The following PPIL3 variants were observed in gnomAD, a reference collection of about 807,000 sequenced individuals.
PPIL3 encodes the protein peptidylprolyl isomerase like 3, also known as peptidyl-prolyl cis-trans isomerase-like 3.
A neutral mutation model predicts 20.9 loss-of-function variants in PPIL3; 13 were observed. That is an observed-to-expected ratio of 0.62 (90% CI 0.40 to 0.99). The LOEUF (loss-of-function observed/expected upper bound fraction) is 0.99. PPIL3 is among the 50% of genes least tolerant of loss of function. PPIL3 has a pLI of 0.00. For missense variants in PPIL3, 170 were observed against 195.2 expected (o/e 0.87, Z 0.77); for synonymous variants, 71 against 64.4 (o/e 1.10, Z -0.49).
Position 200,871,142 on chromosome 2 carries a change from T to C in PPIL3, c.*253A>G. On this transcript the variant is annotated 3_prime_UTR_variant, in exon 7 of 7. Coordinates refer to ENST00000392283, the MANE Select transcript of PPIL3 (RefSeq NM_130906.3). ...GAGCATTTAAAAATGAATGTTCATA[T>C]GTAACAAAAATTAAATGATGTATTT... The C allele has an allele frequency of 3.4e-6, 1 of 292,292 alleles. No homozygotes were observed. Among genetic ancestry groups the C allele is most frequent in the Non-Finnish European group, 6.3e-6 (1 of 159,012 alleles). The allele number at this position is 292,292 out of a possible 1,614,324, so 18.1% of individuals were successfully genotyped here.
At chr2:200,875,477 T>A (rs144753579) in intron 6 of PPIL3, among the ~76,000 whole-genome samples, 1,703 of 152,172 alleles carry the variant, frequency 0.011, 34 homozygotes, top group African/African-American at 0.035. Context: ...CATGTTGGCC[T>A]GGATGGTCTT....
At chr2:200,885,540 A>C in intron 3 of PPIL3, 158 bp downstream of exon 3, 5 of 604,654 alleles carry the variant, frequency 8.3e-6, no homozygotes, top group Non-Finnish European at 1.4e-5. Context: ...ACATTGGACA[A>C]ATAAGTGGAA....
intron 5 of PPIL3, among the ~76,000 whole-genome samples, chr2:200,879,092 A>G (rs1401490659): frequency 6.6e-6 from 1 of 151,988 alleles, no homozygotes; most frequent in African/African-American, 2.4e-5. Context: ...CATATCCACA[A>G]TCTTGGTGTA....
At chr2:200,874,581 T>G (rs1454382066) in intron 6 of PPIL3, among the ~76,000 whole-genome samples, 1 of 152,174 alleles carries the variant, frequency 6.6e-6, no homozygotes, top group African/African-American at 2.4e-5. Context: ...TGTTCTAAAC[T>G]CTACAGTTTT....
intron 5 of PPIL3, among the ~76,000 whole-genome samples, chr2:200,878,723 C>T (rs1300958331): frequency 6.6e-6 from 1 of 152,132 alleles, no homozygotes; most frequent in African/African-American, 2.4e-5. Flanking sequence ...CTAAACAACA[C>T]ATTCTTTCCT....
intron 3 of PPIL3, among the ~76,000 whole-genome samples, chr2:200,884,003 T>G (rs1413624744): frequency 6.6e-6 from 1 of 152,130 alleles, no homozygotes; most frequent in Non-Finnish European, 1.5e-5. Context: ...GAGCTCACCT[T>G]AGCCTCCCAA....
chr2:200,885,590 T>A (rs188535591), intron 3 of PPIL3, 108 bp downstream of exon 3: 1 of 733,844 alleles, frequency 1.4e-6, no homozygotes, highest in South Asian at 1.6e-5. Context: ...TCCCTAACAA[T>A]GGTTTTACAG....
intron 2 of PPIL3, among the ~76,000 whole-genome samples, chr2:200,887,137 C>T (rs551487342): frequency 7.2e-5 from 11 of 152,216 alleles, no homozygotes; most frequent in Admixed American, 6.5e-4. Context: ...GTAATTCCAA[C>T]ACTTTGGGAG....
intron 3 of PPIL3, among the ~76,000 whole-genome samples, chr2:200,883,955 G>T (rs182456267): frequency 6.6e-6 from 1 of 152,164 alleles, no homozygotes; most frequent in East Asian, 1.9e-4. Context: ...GTAGAGATGG[G>T]GGTCTCACTA....
intron 1 of PPIL3, among the ~76,000 whole-genome samples, chr2:200,888,011 C>G (rs1394053855): frequency 6.7e-6 from 1 of 148,980 alleles, no homozygotes; most frequent in Admixed American, 6.7e-5. Flanking sequence ...GAGCTGAGAT[C>G]GCGCCACTGC....
chr2:200,887,366 CAA>C (rs1385790694), intron 2 of PPIL3, among the ~76,000 whole-genome samples: 1 of 70,332 alleles, frequency 1.4e-5, no homozygotes, highest in East Asian at 4.6e-4. Flanking sequence ...GCCTGGGAGA[CAA>C]GAGTGAAACT....
intron 6 of PPIL3, among the ~76,000 whole-genome samples, chr2:200,875,950 G>A (rs1200011519): frequency 6.6e-6 from 1 of 152,004 alleles, no homozygotes; most frequent in Non-Finnish European, 1.5e-5. Flanking sequence ...GTTTTGATAA[G>A]AGCTGTGCTG....
intron 3 of PPIL3, chr2:200,885,327 C>T (rs1025749029): frequency 3.7e-5 from 13 of 353,356 alleles, no homozygotes; most frequent in Admixed American, 4.7e-5. Context: ...GCCGAGATCG[C>T]GCCATTGTAC....
chr2:200,875,502 A>G (rs998939987), intron 6 of PPIL3, among the ~76,000 whole-genome samples: 23 of 151,510 alleles, frequency 1.5e-4, no homozygotes, highest in African/African-American at 3.9e-4. Context: ...TCCTGACCTC[A>G]TGATCTGCCC....
intron 6 of PPIL3, among the ~76,000 whole-genome samples, chr2:200,873,027 A>G (rs1358449993): frequency 1.3e-5 from 2 of 151,746 alleles, no homozygotes; most frequent in Non-Finnish European, 2.9e-5. Context: ...GCCTACCACC[A>G]CGCCTGGCTA....
At chr2:200,887,716 C>G in intron 1 of PPIL3, 31 bp from the exon 2 acceptor site, 1 of 991,540 alleles carries the variant, frequency 1.0e-6, no homozygotes, top group African/African-American at 1.6e-5. Context: ...GAATTAGGCT[C>G]ATTTTCCTGT....
intron 3 of PPIL3, 31 bp downstream of exon 3, chr2:200,885,667 T>A (rs777506736): frequency 1.5e-6 from 2 of 1,319,554 alleles, no homozygotes; most frequent in Non-Finnish European, 2.2e-6. Flanking sequence ...TTGTATTAAC[T>A]GATGTTGAAT....
At chr2:200,887,210 C>A (rs1469426683) in intron 2 of PPIL3, among the ~76,000 whole-genome samples, 1 of 151,874 alleles carries the variant, frequency 6.6e-6, no homozygotes, top group African/African-American at 2.4e-5. Flanking sequence ...AATGGCGAAA[C>A]CCCATCTCTA....
intron 6 of PPIL3, among the ~76,000 whole-genome samples, chr2:200,873,026 C>G (rs2039371934): frequency 6.6e-6 from 1 of 152,056 alleles, no homozygotes; most frequent in Admixed American, 6.5e-5. Flanking sequence ...AGCCTACCAC[C>G]ACGCCTGGCT....
Sources: allele counts gnomAD v4.1 joint callset (sites outside exome capture counted in the v4.1 genomes callset), GRCh38; gene constraint gnomAD v4.1.1; transcripts MANE v1.5; gene names NCBI Gene and HGNC (gene_info 2026-07-23, HGNC 2026-07-21).